The following TAFA1 variants were observed in gnomAD, a reference collection of about 807,000 sequenced individuals.
TAFA1 encodes TAFA chemokine like family member 1.
Under a neutral mutation model 18.5 loss-of-function variants are expected in TAFA1, and 4 were observed. That is an observed-to-expected ratio of 0.22 (90% CI 0.11 to 0.49). The LOEUF is 0.49. TAFA1 is among the 20% of genes least tolerant of loss of function. The pLI is 0.98. For synonymous variants in TAFA1, 56 were observed against 55.2 expected (o/e 1.01, Z -0.06); for missense variants, 147 against 169.0 (o/e 0.87, Z 0.72).
chr3:68,327,882 C>T (rs1342829499), intron 2 of TAFA1, among the ~76,000 whole-genome samples: 3 of 152,140 alleles, frequency 2.0e-5, no homozygotes, highest in Admixed American at 6.5e-5. Flanking sequence ...GATATGGACC[C>T]AGGTGGTCTA....
At chr3:68,325,588 T>A (rs1013633507) in intron 2 of TAFA1, among the ~76,000 whole-genome samples, 1 of 152,182 alleles carries the variant, frequency 6.6e-6, no homozygotes, top group Non-Finnish European at 1.5e-5. Context: ...CTATGTTACA[T>A]AGGCATATCA....
chr3:68,115,555 A>G (rs2065314909), intron 2 of TAFA1, among the ~76,000 whole-genome samples: 2 of 152,212 alleles, frequency 1.3e-5, no homozygotes, highest in Non-Finnish European at 2.9e-5. Flanking sequence ...TTAATGGAAC[A>G]GGTTGAGGTT....
intron 2 of TAFA1, chr3:68,145,483 A>C: frequency 1.1e-6 from 1 of 905,290 alleles, no homozygotes; most frequent in Non-Finnish European, 1.9e-6. Context: ...CCACCACAAG[A>C]ATGGTTCTGC....
chr3:68,206,410 A>G (rs2066526758), intron 2 of TAFA1, among the ~76,000 whole-genome samples: 1 of 151,898 alleles, frequency 6.6e-6, no homozygotes, highest in African/African-American at 2.4e-5. Context: ...ATACCATAAA[A>G]TATTGTCACC....
At chr3:68,129,932 C>T (rs2065517258) in intron 2 of TAFA1, among the ~76,000 whole-genome samples, 1 of 152,186 alleles carries the variant, frequency 6.6e-6, no homozygotes, top group Admixed American at 6.5e-5. Flanking sequence ...TCATTAAAGG[C>T]TCTGATAAGT....
chr3:68,334,943 C>G (rs1195386774), intron 2 of TAFA1, among the ~76,000 whole-genome samples: 1 of 152,140 alleles, frequency 6.6e-6, no homozygotes, highest in Non-Finnish European at 1.5e-5. Flanking sequence ...GTAGTAGTCA[C>G]GAGAGCATAC....
intron 2 of TAFA1, among the ~76,000 whole-genome samples, chr3:68,356,133 A>G (rs1172792170): frequency 6.6e-6 from 1 of 151,854 alleles, no homozygotes; most frequent in Admixed American, 6.6e-5. Context: ...TCTGCTGAAC[A>G]CCGTCATTAT....
intron 2 of TAFA1, among the ~76,000 whole-genome samples, chr3:68,300,258 C>CATG (rs142587437): frequency 0.085 from 12,954 of 152,210 alleles, 564 homozygotes; most frequent in Middle Eastern, 0.11. Flanking sequence ...ATAAGCATGA[C>CATG]CTGGATGTGA....
intron 2 of TAFA1, among the ~76,000 whole-genome samples, chr3:68,402,458 T>G (rs1384590143): frequency 2.6e-5 from 4 of 152,220 alleles, no homozygotes; most frequent in Non-Finnish European, 5.9e-5. Context: ...CTGTGGATGC[T>G]GTATGTAACT....
At chr3:68,184,045 G>T (rs1006488921) in intron 2 of TAFA1, among the ~76,000 whole-genome samples, 2 of 152,068 alleles carry the variant, frequency 1.3e-5, no homozygotes, top group Non-Finnish European at 2.9e-5. Flanking sequence ...AAACTCAAAT[G>T]TCTTATCCAA....
chr3:68,018,750 C>T (rs1285340827), intron 2 of TAFA1, among the ~76,000 whole-genome samples: 2 of 152,232 alleles, frequency 1.3e-5, no homozygotes, highest in Non-Finnish European at 2.9e-5. Flanking sequence ...TGAGGTAGAG[C>T]ATCTTCCCAC....
intron 2 of TAFA1, among the ~76,000 whole-genome samples, chr3:68,088,974 C>G (rs1308198049): frequency 2.0e-5 from 3 of 152,092 alleles, no homozygotes; most frequent in African/African-American, 4.8e-5. Context: ...CAATATAACT[C>G]TACGGTTTTT....
intron 3 of TAFA1, among the ~76,000 whole-genome samples, chr3:68,512,685 T>C (rs772766106): frequency 4.2e-4 from 1 of 2,368 alleles, no homozygotes; most frequent in African/African-American, 8.5e-3. Flanking sequence ...TGGTTTTTTG[T>C]TTGTTTGTTT....
chr3:68,230,970 T>C (rs191186514), intron 2 of TAFA1, among the ~76,000 whole-genome samples: 13 of 152,360 alleles, frequency 8.5e-5, no homozygotes, highest in Admixed American at 2.6e-4. Flanking sequence ...GATAAATAAC[T>C]ATTTAATTAT....
chr3:68,145,643 C>G, intron 2 of TAFA1: 1 of 1,170,130 alleles, frequency 8.5e-7, no homozygotes, highest in Non-Finnish European at 1.3e-6. Context: ...ACTTATCACT[C>G]TGAGTTCAAG....
upstream of TAFA1, among the ~76,000 whole-genome samples, chr3:68,001,343 T>C (rs1055188370): frequency 1.3e-5 from 2 of 152,186 alleles, no homozygotes; most frequent in African/African-American, 4.8e-5. Context: ...AAAATGAGAC[T>C]CCTACATGAA....
intron 3 of TAFA1, among the ~76,000 whole-genome samples, chr3:68,522,847 G>A (rs1575948454): frequency 2.0e-5 from 3 of 151,478 alleles, no homozygotes; most frequent in Non-Finnish European, 4.4e-5. Flanking sequence ...AGGCTGAGGT[G>A]GGCAGGTCAC....
chr3:68,136,272 T>C (rs2065605272), intron 2 of TAFA1, among the ~76,000 whole-genome samples: 1 of 152,094 alleles, frequency 6.6e-6, no homozygotes, highest in Non-Finnish European at 1.5e-5. Flanking sequence ...AGAAATGCTA[T>C]ATAGGAGGAG....
chr3:68,429,478 T>C (rs929067045), intron 3 of TAFA1, among the ~76,000 whole-genome samples: 21 of 151,794 alleles, frequency 1.4e-4, no homozygotes, highest in African/African-American at 4.4e-4. Flanking sequence ...CTGCTGGAAA[T>C]AATGGGCAGA....
Sources: gnomAD v4.1 joint callset for allele counts (sites outside exome capture counted in the v4.1 genomes callset) on GRCh38, gnomAD v4.1.1 for gene constraint, MANE v1.5 for transcripts, NCBI Gene and HGNC (gene_info 2026-07-23, HGNC 2026-07-21) for gene names.